The following CHKA variants were observed in gnomAD, a reference collection of about 807,000 sequenced individuals.
CHKA encodes choline kinase alpha.
A neutral mutation model predicts 60.1 loss-of-function variants in CHKA; 34 were observed. The ratio of observed to expected loss-of-function variants is 0.57; its 90% confidence interval spans 0.43 to 0.75. The LOEUF is 0.75. Ranked by LOEUF, CHKA falls within the 30% of genes least tolerant of loss-of-function variation. CHKA has a pLI of 0.00. For synonymous variants in CHKA, 217 were observed against 223.1 expected (o/e 0.97, Z 0.24); for missense variants, 563 against 561.3 (o/e 1.00, Z -0.03).
chr11:68,076,326 A>T lies in CHKA; in HGVS notation c.517-1496T>A, dbSNP rs577722371. On this transcript the variant is annotated intron_variant, in intron 3 of 11. Transcript: ENST00000265689. ...GGTTTTATTTCTTAAAACCTTAGAG[A>T]ATGAAAACAAAGATCTAGTATCTCT... Among the ~76,000 whole-genome samples the T allele has an allele frequency of 2.2e-4, 34 of 152,314 alleles. 1 individual carries two copies. In the South Asian group the frequency reaches 7.0e-3, roughly 32 times the overall value.
chr11:68,063,903 C>T (rs544143773), intron 10 of CHKA, among the ~76,000 whole-genome samples: 2 of 152,314 alleles, frequency 1.3e-5, no homozygotes, highest in East Asian at 3.9e-4. Context: ...CCTGAGGCCT[C>T]CCTGGCCATG....
intron 2 of CHKA, among the ~76,000 whole-genome samples, chr11:68,095,267 G>A (rs1857461210): frequency 6.6e-6 from 1 of 151,534 alleles, no homozygotes; most frequent in African/African-American, 2.4e-5. Context: ...GCCAGGCGTG[G>A]TGGCGGACAC....
chr11:68,093,278 G>C (rs1857407718), intron 2 of CHKA, among the ~76,000 whole-genome samples: 1 of 152,150 alleles, frequency 6.6e-6, no homozygotes, highest in African/African-American at 2.4e-5. Context: ...GGAATTACAG[G>C]AGTGAGCCAC....
At chr11:68,087,676 T>C (rs1857224028) in intron 2 of CHKA, among the ~76,000 whole-genome samples, 1 of 152,122 alleles carries the variant, frequency 6.6e-6, no homozygotes, top group African/African-American at 2.4e-5. Flanking sequence ...ATGGATGACA[T>C]TCTCTTCTTC....
chr11:68,118,495 G>C (rs957374736), intron 1 of CHKA, among the ~76,000 whole-genome samples: 1 of 152,126 alleles, frequency 6.6e-6, no homozygotes, highest in Non-Finnish European at 1.5e-5. Flanking sequence ...AAATTTGATA[G>C]CTGGAGCCAT....
chr11:68,102,323 T>C (rs1270781188), intron 1 of CHKA, among the ~76,000 whole-genome samples: 1 of 152,062 alleles, frequency 6.6e-6, no homozygotes, highest in East Asian at 1.9e-4. Context: ...TACAAAGTCA[T>C]AGTAACCAAA....
At position 68,074,803 on chromosome 11, in the gene CHKA, C is replaced by T. The variant is rs143460799; in HGVS notation, c.544G>A (p.Val182Ile). Residue 182 changes from valine to isoleucine, a missense_variant, in exon 4 of 12, where the codon GTT becomes ATT. By Grantham distance (29) the Val-to-Ile change is conservative. Transcript: ENST00000265689. ...CTCTCTGCGAGAATGGCAAACATAA[C>T]GCTCTCCAGAACCATGGCCTCAGCC... ...QGAEAMVLES[V>I]MFAILAERSL... 11 of 1,614,084 alleles carry T rather than the reference C, an allele frequency of 6.8e-6. No individual in the cohort carries two copies. The African/African-American group carries it at 1.2e-4, about 18-fold the overall frequency.
At chr11:68,065,158 G>C (rs572156118) in intron 9 of CHKA, among the ~76,000 whole-genome samples, 2 of 152,252 alleles carry the variant, frequency 1.3e-5, no homozygotes, top group East Asian at 3.9e-4. Context: ...TCTCTCCATA[G>C]TGTGAAATGA....
intron 11 of CHKA, among the ~76,000 whole-genome samples, chr11:68,059,087 G>C (rs1327173937): frequency 6.6e-6 from 1 of 152,138 alleles, no homozygotes; most frequent in African/African-American, 2.4e-5. Flanking sequence ...TAGAGACGGG[G>C]TTTCTCCGTG....
chr11:68,093,196 G>A (rs1276540120), intron 2 of CHKA, among the ~76,000 whole-genome samples: 2 of 151,904 alleles, frequency 1.3e-5, no homozygotes, highest in Non-Finnish European at 2.9e-5. Flanking sequence ...GATAGGGTTT[G>A]GCCATGTTGC....
intron 1 of CHKA, among the ~76,000 whole-genome samples, chr11:68,100,937 CTTTTT>C (rs758101816): frequency 1.3e-5 from 1 of 78,210 alleles, no homozygotes; most frequent in Non-Finnish European, 2.5e-5. Flanking sequence ...TAAAGAGGTT[CTTTTT>C]TTTTTTTTTT....
chr11:68,094,029 T>TA (rs1234512134), intron 2 of CHKA, among the ~76,000 whole-genome samples: 1 of 152,210 alleles, frequency 6.6e-6, no homozygotes, highest in Non-Finnish European at 1.5e-5. Flanking sequence ...CAGGTTAGTC[T>TA]AGCCCACAGA....
At chr11:68,098,838 T>G (rs1004311259) in intron 1 of CHKA, among the ~76,000 whole-genome samples, 4 of 151,942 alleles carry the variant, frequency 2.6e-5, no homozygotes, top group African/African-American at 9.7e-5. Context: ...GGATTACAGG[T>G]GTATGCCAGC....
chr11:68,109,235 G>A (rs372537097), intron 1 of CHKA, among the ~76,000 whole-genome samples: 7 of 151,542 alleles, frequency 4.6e-5, no homozygotes, highest in Admixed American at 3.3e-4. Context: ...GACTACAGGC[G>A]CCCGCCACCA....
intron 5 of CHKA, 21 bp downstream of exon 5, chr11:68,070,703 C>T (rs527698957): frequency 5.6e-6 from 9 of 1,605,806 alleles, no homozygotes; most frequent in Middle Eastern, 1.7e-4. Flanking sequence ...TATGTTAGGA[C>T]CAAGTGATTT....
rs1858638942 is a variant in CHKA at position 68,121,240 on chromosome 11, G to A, written c.-63C>T. ...CGCGAGAGGACTAGGCTCAGAGTCC[G>A]GCCGGGCGCCCCCTCGCCGCTCTCT... On this transcript the variant is annotated 5_prime_UTR_variant, in exon 1 of 12. Coordinates refer to ENST00000265689, the MANE Select transcript of CHKA (RefSeq NM_001277.3). 25 of 1,074,232 alleles carry A rather than the reference G, an allele frequency of 2.3e-5. No homozygotes were observed. Among genetic ancestry groups the A allele is most frequent in the Non-Finnish European group, 2.8e-5 (25 of 886,800 alleles). The allele number at this position is 1,074,232 out of a possible 1,614,324, so 66.5% of individuals were successfully genotyped here.
chr11:68,115,333 C>T (rs936971013), intron 1 of CHKA, among the ~76,000 whole-genome samples: 6 of 152,156 alleles, frequency 3.9e-5, no homozygotes, highest in African/African-American at 9.7e-5. Flanking sequence ...TGTCATTATA[C>T]GGTGGCCAAA....
chr11:68,099,516 T>C (rs940432766), intron 1 of CHKA, among the ~76,000 whole-genome samples: 6 of 152,244 alleles, frequency 3.9e-5, no homozygotes, highest in Admixed American at 1.3e-4. Flanking sequence ...TTGTCTACCT[T>C]AGTTAAAAAG....
chr11:68,094,299 TGA>T, intron 2 of CHKA, among the ~76,000 whole-genome samples: 1 of 152,324 alleles, frequency 6.6e-6, no homozygotes, highest in Non-Finnish European at 1.5e-5. Context: ...CCTAGCATTT[TGA>T]GAGGACTAGA....
Sources: allele counts gnomAD v4.1 joint callset (sites outside exome capture counted in the v4.1 genomes callset), GRCh38; gene constraint gnomAD v4.1.1; transcripts MANE v1.5; gene names NCBI Gene and HGNC (gene_info 2026-07-23, HGNC 2026-07-21).